The following HERC3 variants were observed in gnomAD, a reference collection of about 807,000 sequenced individuals.
HERC3 encodes probable E3 ubiquitin-protein ligase HERC3.
A neutral mutation model predicts 129.9 loss-of-function variants in HERC3; 58 were observed. The ratio of observed to expected loss-of-function variants is 0.45; its 90% confidence interval spans 0.36 to 0.56. HERC3 has a LOEUF of 0.56. Among genes scored for constraint, HERC3 ranks in the 20% least tolerant of loss-of-function variants. The probability of loss-of-function intolerance (pLI) is 0.00; values close to 1 mark genes in which losing one functional copy is unlikely to be tolerated. For synonymous variants in HERC3, 430 were observed against 451.0 expected (o/e 0.95, Z 0.59); for missense variants, 835 against 1,244.2 (o/e 0.67, Z 4.95).
At chr4:88,585,339 G>A in the HERC3 span, among the ~76,000 whole-genome samples, 1 of 152,200 alleles carries the variant, frequency 6.6e-6, no homozygotes, top group Non-Finnish European at 1.5e-5. Context: ...TAGTTGGTTA[G>A]TAGGTGGTTT....
chr4:88,653,649 G>C (rs1729534696), intron 6 of HERC3, among the ~76,000 whole-genome samples: 1 of 152,238 alleles, frequency 6.6e-6, no homozygotes, highest in South Asian at 2.1e-4. Context: ...GGGTCAAGGG[G>C]GAAGCTGGAA....
chr4:88,599,567 G>C (rs1408960090), intron 2 of HERC3, among the ~76,000 whole-genome samples: 1 of 152,106 alleles, frequency 6.6e-6, no homozygotes, highest in East Asian at 1.9e-4. Context: ...AAAGCACCCA[G>C]AACTCAGATG....
At chr4:88,681,366 G>T in intron 21 of HERC3, 41 bp downstream of exon 21, 1 of 1,544,068 alleles carries the variant, frequency 6.5e-7, no homozygotes, top group Non-Finnish European at 8.8e-7. Context: ...AACTGTTGTG[G>T]CTGCCTCTGG....
intron 3 of HERC3, among the ~76,000 whole-genome samples, chr4:88,638,706 C>T (rs968174410): frequency 2.0e-5 from 3 of 152,160 alleles, no homozygotes; most frequent in Admixed American, 6.5e-5. Context: ...TCTTTCACCA[C>T]TCCTATTTAA....
At chr4:88,592,739 C>T (rs1315660896) in intron 1 of HERC3, among the ~76,000 whole-genome samples, 165 bp downstream of exon 1, 3 of 152,084 alleles carry the variant, frequency 2.0e-5, no homozygotes, top group East Asian at 1.9e-4. Flanking sequence ...CCTCCAGAGA[C>T]GACCTGGGTC....
At position 88,613,152 on chromosome 4, in the gene HERC3, C is replaced by T. The variant is rs141041337; in HGVS notation, c.226+7103C>T. On this transcript the variant is annotated intron_variant, in intron 3 of 25. Transcript: ENST00000402738. ...CTCCCTATCTTGAATAGACAAGAAC[C>T]GTGGTAGGGGCAGTTATTTAGTGTA... Among the ~76,000 whole-genome samples the T allele has an allele frequency of 4.3e-4, 66 of 152,242 alleles. No homozygotes were observed. The East Asian group carries it at 9.5e-3, about 22-fold the overall frequency.
the HERC3 span, among the ~76,000 whole-genome samples, chr4:88,568,102 T>C: frequency 1.3e-5 from 2 of 152,226 alleles, no homozygotes; most frequent in South Asian, 4.1e-4. Context: ...AGACAGAGAT[T>C]CTTGTTCTCT....
intron 23 of HERC3, chr4:88,693,210 C>T: frequency 1.0e-6 from 1 of 980,680 alleles, no homozygotes; most frequent in Non-Finnish European, 1.2e-6. Context: ...CCCCCCACCA[C>T]CATTTTTAAT....
intron 3 of HERC3, among the ~76,000 whole-genome samples, chr4:88,626,654 G>C (rs1726131162): frequency 6.6e-6 from 1 of 151,964 alleles, no homozygotes; most frequent in Non-Finnish European, 1.5e-5. Context: ...AGGTTTCTTA[G>C]TTCATGTCTT....
At chr4:88,705,401 A>G (rs1182209538) in intron 25 of HERC3, among the ~76,000 whole-genome samples, 1 of 152,202 alleles carries the variant, frequency 6.6e-6, no homozygotes, top group East Asian at 1.9e-4. Context: ...CAGTTGTGAA[A>G]CTAACACACA....
intron 21 of HERC3, among the ~76,000 whole-genome samples, chr4:88,682,073 A>G (rs1012930686): frequency 1.3e-5 from 2 of 152,222 alleles, no homozygotes; most frequent in African/African-American, 4.8e-5. Context: ...TTATATGGAT[A>G]TGCCACATTT....
In HERC3 at chr4:88,605,888, T is replaced by C; in HGVS notation, c.65T>C (p.Val22Ala). The stretch of plus-strand genomic sequence containing the variant: ...ATCAGCACCAACCTGCAGGGAATTG[T>C]GGCTGAGCCCCAGGTGTGTGGGTTC... ...PGISTNLQGI[V>A]AEPQVCGFIS... The change falls in exon 3 of 26, where the codon GTG becomes GCG. Residue 22 changes from valine (V) to alanine (A), a missense_variant. Val to Ala is a moderately conservative substitution (Grantham distance 64). Transcript: ENST00000402738. 6.2e-7 allele frequency: 1 copy of C among 1,614,256 alleles called. No individual in the cohort carries two copies. Among genetic ancestry groups the C allele is most frequent in the South Asian group, 1.1e-5 (1 of 91,082 alleles).
At chr4:88,674,476 C>G (rs950086451) in intron 16 of HERC3, among the ~76,000 whole-genome samples, 1 of 152,144 alleles carries the variant, frequency 6.6e-6, no homozygotes, top group Non-Finnish European at 1.5e-5. Flanking sequence ...GCTTTATAGA[C>G]CAACACACAT....
intron 3 of HERC3, among the ~76,000 whole-genome samples, chr4:88,637,068 G>A (rs1279661375): frequency 6.6e-6 from 1 of 152,110 alleles, no homozygotes; most frequent in Non-Finnish European, 1.5e-5. Flanking sequence ...GGCAGAGGTT[G>A]CAATGGGCTG....
At chr4:88,602,070 A>AG (rs1287841746) in intron 2 of HERC3, among the ~76,000 whole-genome samples, 1 of 149,134 alleles carries the variant, frequency 6.7e-6, no homozygotes, top group Non-Finnish European at 1.5e-5. Context: ...AAAAAAAAAA[A>AG]AAAGAAAAGG....
the HERC3 span, among the ~76,000 whole-genome samples, chr4:88,579,226 AAAAAAAATAT>A: frequency 7.1e-4 from 67 of 93,962 alleles, no homozygotes; most frequent in African/African-American, 5.4e-3. Flanking sequence ...TACTAAAAAA[AAAAAAAATAT>A]ATATATATAT....
chr4:88,638,709 C>T (rs2149253233), intron 3 of HERC3, among the ~76,000 whole-genome samples: 1 of 152,272 alleles, frequency 6.6e-6, no homozygotes. Context: ...TTCACCACTC[C>T]TATTTAACAT....
At chr4:88,546,932 A>G in the HERC3 span, among the ~76,000 whole-genome samples, 1 of 152,170 alleles carries the variant, frequency 6.6e-6, no homozygotes, top group Non-Finnish European at 1.5e-5. Context: ...CCCCTAGACC[A>G]TGTGACATAG....
At chr4:88,658,931 T>A (rs755076319) in intron 10 of HERC3, among the ~76,000 whole-genome samples, 1 of 152,240 alleles carries the variant, frequency 6.6e-6, no homozygotes, top group African/African-American at 2.4e-5. Flanking sequence ...AGATGTATTT[T>A]ATTATTTGTA....
Sources: allele counts gnomAD v4.1 joint callset (sites outside exome capture counted in the v4.1 genomes callset), GRCh38; gene constraint gnomAD v4.1.1; transcripts MANE v1.5; gene names NCBI Gene and HGNC (gene_info 2026-07-23, HGNC 2026-07-21).